The following TMEM131 variants were observed in gnomAD, a reference collection of about 807,000 sequenced individuals.
The protein encoded by TMEM131 is transmembrane protein 131, also known as 2610524E03Rik.
TMEM131 carries 66 observed loss-of-function variants against 211.6 expected under a neutral mutation model. The ratio of observed to expected loss-of-function variants is 0.31; its 90% CI spans 0.26 to 0.38. The LOEUF (loss-of-function observed/expected upper bound fraction) is 0.38, where lower values mean the gene tolerates loss of function less well. TMEM131 is among the 10% of genes least tolerant of loss of function. TMEM131 has a pLI of 1.00. For synonymous variants in TMEM131, 844 were observed against 841.3 expected (o/e 1.00, Z -0.06); for missense variants, 2,036 against 2,299.3 (o/e 0.89, Z 2.34).
chr2:97,980,435 G>A (rs1386174946), intron 1 of TMEM131, among the ~76,000 whole-genome samples: 1 of 152,156 alleles, frequency 6.6e-6, no homozygotes, highest in Admixed American at 6.6e-5. Flanking sequence ...CCAAGCACTG[G>A]CAAGCATATG....
chr2:97,776,294 T>C (rs1008571345), intron 31 of TMEM131, among the ~76,000 whole-genome samples: 5 of 152,158 alleles, frequency 3.3e-5, no homozygotes, highest in African/African-American at 1.2e-4. Context: ...GACCTCGTGA[T>C]CTGCCTGCCT....
intron 1 of TMEM131, among the ~76,000 whole-genome samples, chr2:97,983,800 G>C (rs1679908378): frequency 6.6e-6 from 1 of 152,058 alleles, no homozygotes; most frequent in Non-Finnish European, 1.5e-5. Flanking sequence ...TGTAATGATG[G>C]TCTCCAGTAG....
At chr2:97,920,622 A>T (rs769433539) in intron 2 of TMEM131, among the ~76,000 whole-genome samples, 31 of 152,180 alleles carry the variant, frequency 2.0e-4, no homozygotes, top group Middle Eastern at 6.3e-3. Flanking sequence ...TATTAAAAGC[A>T]ACCACATTTC....
intron 1 of TMEM131, among the ~76,000 whole-genome samples, chr2:97,976,229 G>A (rs1297968326): frequency 6.6e-6 from 1 of 152,018 alleles, no homozygotes; most frequent in African/African-American, 2.4e-5. Context: ...AAAACAGAAG[G>A]TATCCAGACT....
chr2:97,769,524 ACAGGTC>A (rs1679361896), intron 33 of TMEM131, among the ~76,000 whole-genome samples: 1 of 152,288 alleles, frequency 6.6e-6, no homozygotes, highest in African/African-American at 2.4e-5. Context: ...CTGAGTGCTG[ACAGGTC>A]TGGGGCTGGC....
chr2:97,815,355 G>T, intron 12 of TMEM131, 48 bp from the exon 13 acceptor site: 3 of 1,160,522 alleles, frequency 2.6e-6, no homozygotes, highest in Non-Finnish European at 3.6e-6. Flanking sequence ...TACTACCAAA[G>T]AGAATTAGTG....
At chr2:97,769,823 G>A (rs1342191858) in intron 33 of TMEM131, among the ~76,000 whole-genome samples, 1 of 152,130 alleles carries the variant, frequency 6.6e-6, no homozygotes, top group Non-Finnish European at 1.5e-5. Flanking sequence ...ACAGTTTTCC[G>A]GAGGTCTGCA....
At chr2:97,787,550 G>A (rs149768732) in intron 31 of TMEM131, among the ~76,000 whole-genome samples, 2 of 152,132 alleles carry the variant, frequency 1.3e-5, no homozygotes, top group African/African-American at 4.8e-5. Context: ...CCATTGTCTG[G>A]GCCCCAGGCC....
At chr2:97,806,074 C>G (rs953876379) in intron 19 of TMEM131, among the ~76,000 whole-genome samples, 1 of 152,142 alleles carries the variant, frequency 6.6e-6, no homozygotes, top group Non-Finnish European at 1.5e-5. Flanking sequence ...TTTGTTTACA[C>G]CCAGGCAAGA....
chr2:97,939,807 CA>C (rs1559461722), intron 1 of TMEM131, among the ~76,000 whole-genome samples: 1 of 152,174 alleles, frequency 6.6e-6, no homozygotes, highest in South Asian at 2.1e-4. Context: ...AGTAGCACAT[CA>C]AAAAGCTTAT....
chr2:97,832,486 A>G (rs2105059778), intron 11 of TMEM131, among the ~76,000 whole-genome samples: 2 of 152,252 alleles, frequency 1.3e-5, no homozygotes, highest in South Asian at 4.2e-4. Context: ...TGGGAAGACC[A>G]TCTCTTGCTT....
chr2:97,777,998 G>A (rs1368601995), intron 31 of TMEM131, among the ~76,000 whole-genome samples: 2 of 152,166 alleles, frequency 1.3e-5, no homozygotes, highest in Non-Finnish European at 2.9e-5. Context: ...AGCCCAGGCT[G>A]AGAATACTTC....
intron 11 of TMEM131, among the ~76,000 whole-genome samples, chr2:97,825,480 G>C (rs1682336451): frequency 6.6e-6 from 1 of 152,122 alleles, no homozygotes; most frequent in Admixed American, 6.5e-5. Context: ...ACCAGCTTTT[G>C]TTGACTATGG....
At chr2:97,858,029 C>T (rs1182846032) in intron 5 of TMEM131, among the ~76,000 whole-genome samples, 1 of 152,118 alleles carries the variant, frequency 6.6e-6, no homozygotes, top group Non-Finnish European at 1.5e-5. Flanking sequence ...ATTTATCAGT[C>T]CCTTGTTTAT....
chr2:97,974,969 CCTGA>C (rs1440716785), intron 1 of TMEM131, among the ~76,000 whole-genome samples: 1 of 152,120 alleles, frequency 6.6e-6, no homozygotes, highest in Non-Finnish European at 1.5e-5. Context: ...CTACAACCAA[CCTGA>C]CTGACATTGA....
At chr2:97,879,322 G>A (rs1674826813) in intron 4 of TMEM131, among the ~76,000 whole-genome samples, 1 of 152,216 alleles carries the variant, frequency 6.6e-6, no homozygotes, top group Non-Finnish European at 1.5e-5. Flanking sequence ...AGTGAATGCT[G>A]TTGTTCCCAG....
chr2:97,780,152 G>A (rs1679930242), intron 31 of TMEM131, among the ~76,000 whole-genome samples: 1 of 152,100 alleles, frequency 6.6e-6, no homozygotes, highest in Non-Finnish European at 1.5e-5. Context: ...GGAATTGCTG[G>A]CAAAAATGCA....
intron 1 of TMEM131, among the ~76,000 whole-genome samples, chr2:97,979,302 A>G (rs930632854): frequency 2.0e-5 from 3 of 152,226 alleles, no homozygotes; most frequent in East Asian, 1.9e-4. Context: ...TACCAGCTTC[A>G]TTAGTTCCTA....
At chr2:97,794,859 G>A (rs1680685065) in intron 29 of TMEM131, 71 bp downstream of exon 29, 3 of 1,294,340 alleles carry the variant, frequency 2.3e-6, no homozygotes, top group African/African-American at 1.5e-5. Context: ...ACAGTGGCTG[G>A]CACACAGTGG....
Sources: allele counts gnomAD v4.1 joint callset (sites outside exome capture counted in the v4.1 genomes callset), GRCh38; gene constraint gnomAD v4.1.1; transcripts MANE v1.5; gene names NCBI Gene and HGNC (gene_info 2026-07-23, HGNC 2026-07-21).